Variants in ITIH5 observed in about 807,000 individuals in gnomAD.
The protein encoded by ITIH5 is inter-alpha-trypsin inhibitor heavy chain 5.
ITIH5 carries 65 observed loss-of-function variants against 77.5 expected under a neutral mutation model. The observed-to-expected ratio is 0.84, with a 90% CI of 0.69 to 1.03. ITIH5 has a LOEUF of 1.03. Ranked by LOEUF, ITIH5 falls within the 50% of genes least tolerant of loss-of-function variation. The pLI, the probability that ITIH5 is intolerant of heterozygous loss-of-function variation, is 0.00. For missense variants in ITIH5, 1,208 were observed against 1,213.1 expected (o/e 1.00, Z 0.06); for synonymous variants, 525 against 494.3 (o/e 1.06, Z -0.82).
chr10:7,652,910 A>T (rs1834123737), intron 2 of ITIH5, among the ~76,000 whole-genome samples: 2 of 152,220 alleles, frequency 1.3e-5, no homozygotes, highest in South Asian at 4.1e-4. Context: ...AAAAAAAGCA[A>T]TTCACAGGAG....
intron 7 of ITIH5, among the ~76,000 whole-genome samples, chr10:7,597,521 A>G (rs1041549467): frequency 7.9e-5 from 12 of 151,682 alleles, no homozygotes; most frequent in African/African-American, 2.9e-4. Flanking sequence ...TACCCCATAG[A>G]CACCCATACA....
At chr10:7,639,241 G>C (rs960576513) in intron 4 of ITIH5, among the ~76,000 whole-genome samples, 3 of 152,172 alleles carry the variant, frequency 2.0e-5, no homozygotes, top group African/African-American at 4.8e-5. Flanking sequence ...GGGGAAGGAT[G>C]GAGTATAGGT....
intron 7 of ITIH5, among the ~76,000 whole-genome samples, chr10:7,603,732 A>G (rs1281778565): frequency 6.6e-6 from 1 of 152,000 alleles, no homozygotes; most frequent in African/African-American, 2.4e-5. Flanking sequence ...TACAGGCCCC[A>G]CCACCACGCC....
intron 11 of ITIH5, chr10:7,572,100 C>A: frequency 9.7e-7 from 1 of 1,035,344 alleles, no homozygotes; most frequent in Non-Finnish European, 1.2e-6. Flanking sequence ...GCTTTTCTGG[C>A]ATTCCATAAA....
rs1385073138 is a variant in ITIH5, at chr10:7,576,743, C to T, written c.1688G>A (p.Gly563Glu). Residue 563 changes from glycine to glutamate, a missense_variant, in exon 10 of 14, where the codon GGA becomes GAA. By Grantham distance (98) the Gly-to-Glu change is moderately conservative. Transcript: ENST00000397146. ...GKDVTGSPRPGGDGEGDTNHI... is the reference protein window; with the variant it reads ...GKDVTGSPRPEGDGEGDTNHI... ...GTTGGTGTCCCCCTCTCCATCGCCT[C>T]CAGGCCTGGGGCTTCCTGTGACATC... 1 of 1,613,780 alleles carries T rather than the reference C, an allele frequency of 6.2e-7. No individual in the cohort carries two copies. Among genetic ancestry groups the T allele is most frequent in the Non-Finnish European group, 8.5e-7 (1 of 1,179,964 alleles).
At chr10:7,659,918 G>A (rs902739853) in intron 1 of ITIH5, among the ~76,000 whole-genome samples, 2 of 152,054 alleles carry the variant, frequency 1.3e-5, no homozygotes, top group African/African-American at 4.8e-5. Flanking sequence ...GTGTTTTCCC[G>A]GTGCCTTTTA....
rs548024595 is a variant in ITIH5 at position 7,628,676 on chromosome 10, T to G, written c.652+8552A>C. Among the ~76,000 whole-genome samples, 45 of 117,424 alleles carry G rather than the reference T, an allele frequency of 3.8e-4. 1 individual carries two copies. The highest frequency in any genetic ancestry group is 1.0e-3 in the African/African-American group (39 of 37,968). The allele number at this position is 117,424 out of a possible 152,430, so 77.0% of individuals were successfully genotyped here. On this transcript the variant is annotated intron_variant, in intron 5 of 13. Transcript: ENST00000397146. ...TTGTCTGGGTTGTCACATGTGTCCA[T>G]GTTGTAGCGTGTGTCCATGTTGCAG...
At chr10:7,601,186 A>G (rs1307459088) in intron 7 of ITIH5, among the ~76,000 whole-genome samples, 1 of 152,228 alleles carries the variant, frequency 6.6e-6, no homozygotes, top group Non-Finnish European at 1.5e-5. Context: ...GGCAAACTGT[A>G]GAAATGTGCA....
chr10:7,578,583 C>T (rs370333741), intron 9 of ITIH5: 13 of 152,194 alleles, frequency 8.5e-5, no homozygotes, highest in African/African-American at 2.7e-4. Context: ...TGGGAGGAAA[C>T]GGTGGCGAAT....
At chr10:7,645,481 T>C (rs1833997051) in intron 2 of ITIH5, among the ~76,000 whole-genome samples, 1 of 152,192 alleles carries the variant, frequency 6.6e-6, no homozygotes, top group Non-Finnish European at 1.5e-5. Flanking sequence ...AACAAACCCT[T>C]CAGGTCATTC....
chr10:7,604,480 C>T (rs747808136), intron 7 of ITIH5, among the ~76,000 whole-genome samples: 6 of 152,350 alleles, frequency 3.9e-5, no homozygotes, highest in South Asian at 4.1e-4. Context: ...TTTCCTTCTC[C>T]GTCCTCTTTT....
At chr10:7,656,520 G>T (rs1020349760) in intron 1 of ITIH5, among the ~76,000 whole-genome samples, 2 of 151,754 alleles carry the variant, frequency 1.3e-5, no homozygotes, top group South Asian at 2.1e-4. Context: ...CCAGCCAAAA[G>T]ATTTTTTTTA....
chr10:7,559,775 C>A lies in ITIH5; in HGVS notation c.*3308G>T. On this transcript the variant is annotated 3_prime_UTR_variant, in exon 14 of 14. Transcript: ENST00000397146. The stretch of plus-strand genomic sequence containing the variant: ...TGTCTGGTGAGGGCCGTCTTCCTGG[C>A]TTGCAGGTGGCCATCTTCTCATCGT... The A allele has an allele frequency of 2.2e-6, 1 of 454,780 alleles. No individual in the cohort carries two copies. The allele number at this position is 454,780 out of a possible 1,614,324, so 28.2% of individuals were successfully genotyped here.
chr10:7,590,493 T>TGC (rs1832771583), intron 7 of ITIH5, among the ~76,000 whole-genome samples: 1 of 152,232 alleles, frequency 6.6e-6, no homozygotes, highest in African/African-American at 2.4e-5. Context: ...CCCGGCTGTG[T>TGC]GCGTGTGCAC....
intron 1 of ITIH5, among the ~76,000 whole-genome samples, chr10:7,657,201 C>T (rs542625567): frequency 1.0e-3 from 154 of 151,246 alleles, no homozygotes; most frequent in African/African-American, 3.7e-3. Flanking sequence ...TGCACCACCA[C>T]GCCCGGCTAA....
intron 6 of ITIH5, among the ~76,000 whole-genome samples, chr10:7,616,763 G>C (rs976259358): frequency 9.9e-5 from 15 of 152,146 alleles, no homozygotes; most frequent in African/African-American, 3.6e-4. Flanking sequence ...GGGAGACGAA[G>C]GTTGCAGTGA....
chr10:7,601,360 C>T (rs1564254097), intron 7 of ITIH5, among the ~76,000 whole-genome samples: 1 of 152,148 alleles, frequency 6.6e-6, no homozygotes, highest in African/African-American at 2.4e-5. Context: ...GTGTTCATAT[C>T]TGGGGAGGGT....
intron 7 of ITIH5, among the ~76,000 whole-genome samples, chr10:7,608,762 G>A (rs1337456397): frequency 2.0e-5 from 3 of 152,218 alleles, no homozygotes; most frequent in African/African-American, 7.2e-5. Context: ...TCCACATCAT[G>A]AAAGGGAAAG....
chr10:7,569,869 A>C, intron 11 of ITIH5, 85 bp from the exon 12 acceptor site: 4 of 677,980 alleles, frequency 5.9e-6, no homozygotes, highest in Non-Finnish European at 9.2e-6. Flanking sequence ...CTATTTTCTC[A>C]TGAATTATTT....
Sources: allele counts gnomAD v4.1 joint callset (sites outside exome capture counted in the v4.1 genomes callset), GRCh38; gene constraint gnomAD v4.1.1; transcripts MANE v1.5; gene names NCBI Gene and HGNC (gene_info 2026-07-23, HGNC 2026-07-21).